Variants in RERE observed in about 807,000 individuals in gnomAD.
The protein encoded by RERE is arginine-glutamic acid dipeptide repeats.
A neutral mutation model predicts 146.1 loss-of-function variants in RERE; 40 were observed. The ratio of observed to expected loss-of-function variants is 0.27; its 90% CI spans 0.21 to 0.36. RERE has a LOEUF of 0.36. Ranked by LOEUF, RERE falls within the 10% of genes least tolerant of loss-of-function variation. The pLI is 1.00. For synonymous variants in RERE, 1,003 were observed against 866.0 expected (o/e 1.16, Z -2.78); for missense variants, 1,933 against 2,138.7 (o/e 0.90, Z 1.90).
intron 1 of RERE, among the ~76,000 whole-genome samples, chr1:8,813,284 T>C (rs1311086311): frequency 3.9e-5 from 6 of 152,194 alleles, no homozygotes; most frequent in Non-Finnish European, 7.3e-5. Flanking sequence ...ACATTTGAAT[T>C]TTCTGCTATC....
chr1:8,455,082 G>A (rs1391139947), intron 11 of RERE, among the ~76,000 whole-genome samples: 1 of 152,120 alleles, frequency 6.6e-6, no homozygotes, highest in Non-Finnish European at 1.5e-5. Context: ...GCCTTCCCCA[G>A]AGAGCTCAGG....
chr1:8,479,384 C>A (rs1409269891), intron 10 of RERE, among the ~76,000 whole-genome samples: 1 of 150,900 alleles, frequency 6.6e-6, no homozygotes, highest in Non-Finnish European at 1.5e-5. Context: ...CTGTGGTAGG[C>A]CAAAAAATGA....
intron 7 of RERE, chr1:8,525,944 C>G (rs549050809): frequency 3.7e-6 from 5 of 1,343,464 alleles, no homozygotes; most frequent in African/African-American, 3.1e-5. Context: ...TAAGCCTTCA[C>G]GCAGAACGCA....
At chr1:8,361,994 G>A (rs1010478823) in intron 16 of RERE, 118 bp from the exon 17 acceptor site, 2 of 709,130 alleles carry the variant, frequency 2.8e-6, no homozygotes, top group African/African-American at 3.5e-5. Context: ...CCATCTCCAG[G>A]AGCAAAAAGC....
intron 1 of RERE, among the ~76,000 whole-genome samples, chr1:8,688,649 G>A (rs1639142904): frequency 6.6e-6 from 1 of 152,198 alleles, no homozygotes; most frequent in South Asian, 2.1e-4. Flanking sequence ...AGAAGCTAAG[G>A]TGGGAGGATA....
intron 1 of RERE, among the ~76,000 whole-genome samples, chr1:8,783,865 T>C (rs893425598): frequency 1.3e-5 from 2 of 152,062 alleles, no homozygotes; most frequent in Admixed American, 6.6e-5. Flanking sequence ...CAGAAAGATA[T>C]GTCCAAGTCC....
intron 8 of RERE, among the ~76,000 whole-genome samples, chr1:8,503,145 T>C (rs144262785): frequency 1.3e-5 from 2 of 151,964 alleles, no homozygotes; most frequent in African/African-American, 4.8e-5. Flanking sequence ...AATTGATGAG[T>C]CAACCTCTCT....
rs147888523 is a variant in RERE, at chr1:8,541,270, C to T, written c.774G>A (p.Glu258=). The part of the protein sequence containing the change: ...SHFSDIFAAR[E]FKARVDSFFY... ...AAAATGAATCCACTCGGGCTTTAAA[C>T]TCTCTAGCAGCAAATATGTCAGAAA... The change falls in exon 7 of 23, where the codon GAG becomes GAA. Residue 258 remains glutamate (E), a synonymous_variant. Coordinates refer to ENST00000400908, the MANE Select transcript of RERE (RefSeq NM_001042681.2). The T allele has an allele frequency of 1.4e-5, 22 of 1,612,452 alleles. No homozygotes were observed. In the African/African-American group the frequency reaches 2.3e-4, roughly 17 times the overall value.
intron 1 of RERE, among the ~76,000 whole-genome samples, chr1:8,723,450 C>T (rs1412170286): frequency 6.6e-6 from 1 of 152,094 alleles, no homozygotes; most frequent in African/African-American, 2.4e-5. Flanking sequence ...TATCTTTAAA[C>T]ACTAATCATT....
At chr1:8,429,733 A>G (rs1048993535) in intron 11 of RERE, 1 of 152,690 alleles carries the variant, frequency 6.5e-6, no homozygotes, top group African/African-American at 2.4e-5. Context: ...AAAACACTGT[A>G]GGTATTAAAA....
chr1:8,516,521 G>A (rs1645421804), intron 7 of RERE, among the ~76,000 whole-genome samples: 1 of 152,122 alleles, frequency 6.6e-6, no homozygotes, highest in Non-Finnish European at 1.5e-5. Context: ...GACCCTGTAA[G>A]ATAGGTGCTA....
At chr1:8,531,064 T>C (rs369597710) in intron 7 of RERE, among the ~76,000 whole-genome samples, 3 of 143,006 alleles carry the variant, frequency 2.1e-5, no homozygotes, top group South Asian at 2.2e-4. Context: ...TATCTATCTA[T>C]CTATCTAACT....
rs532829930 is a variant in RERE at position 8,500,904 on chromosome 1, G to A, written c.880-3375C>T. Among the ~76,000 whole-genome samples the A allele has an allele frequency of 6.0e-5, 9 of 150,396 alleles. No individual in the cohort carries two copies. In the South Asian group the frequency reaches 1.5e-3, roughly 25 times the overall value. ...AGGAGCGCCTCTGCCTGGCCGCCCC[G>A]TCTGAGAAGTGAGGAAACCCTCTGC... is the stretch of plus-strand genomic sequence containing the variant. On this transcript the variant is annotated intron_variant, in intron 8 of 22. Coordinates refer to ENST00000400908, the MANE Select transcript of RERE (RefSeq NM_001042681.2).
At chr1:8,589,290 T>A (rs918171748) in intron 4 of RERE, among the ~76,000 whole-genome samples, 1 of 151,544 alleles carries the variant, frequency 6.6e-6, no homozygotes, top group Non-Finnish European at 1.5e-5. Flanking sequence ...AAATAAAAAA[T>A]GTATTCAGGT....
rs76591745 is a variant in RERE, at chr1:8,484,283, G to T, written c.1104+10780C>A. On this transcript the variant is annotated intron_variant, in intron 10 of 22. Coordinates refer to ENST00000400908, the MANE Select transcript of RERE (RefSeq NM_001042681.2). The stretch of plus-strand genomic sequence containing the variant: ...GATGTTTACAAATTATATGTCAGCT[G>T]CAAGTGTTCAGATGAGCCTAATGCA... Among the ~76,000 whole-genome samples the T allele has an allele frequency of 4.7e-3, 715 of 152,242 alleles. 3 individuals carry two copies. Among genetic ancestry groups the T allele is most frequent in the African/African-American group, 0.017 (687 of 41,538 alleles).
Position 8,692,679 on chromosome 1 carries a change from C to A in RERE, c.-144-36238G>T, listed in dbSNP as rs538835059. ...TACTTTAAAAAGAATCTCTAGATTA[C>A]GTATAATACCTAATATAATATAAAC... On this transcript the variant is annotated intron_variant, in intron 1 of 22. Coordinates refer to ENST00000400908, the MANE Select transcript of RERE (RefSeq NM_001042681.2). Among the ~76,000 whole-genome samples, 8 of 152,092 alleles carry A rather than the reference C, an allele frequency of 5.3e-5. No homozygotes were observed. The South Asian group carries it at 1.7e-3, about 32-fold the overall frequency.
At chr1:8,578,908 T>A (rs1223842856) in intron 4 of RERE, among the ~76,000 whole-genome samples, 2 of 152,272 alleles carry the variant, frequency 1.3e-5, no homozygotes, top group Non-Finnish European at 2.9e-5. Flanking sequence ...TTGTCAAGGT[T>A]ACTAACAAAG....
intron 12 of RERE, among the ~76,000 whole-genome samples, chr1:8,382,963 GAA>G (rs1642508961): frequency 6.7e-6 from 1 of 149,250 alleles, no homozygotes; most frequent in Non-Finnish European, 1.5e-5. Flanking sequence ...AAAAGGACCA[GAA>G]ACTCAGAACT....
chr1:8,804,541 A>C (rs532558358), intron 1 of RERE, among the ~76,000 whole-genome samples: 2 of 152,348 alleles, frequency 1.3e-5, no homozygotes, highest in South Asian at 4.1e-4. Context: ...GGCACATAGT[A>C]ATTTCCAGCA....
Sources: allele counts gnomAD v4.1 joint callset (sites outside exome capture counted in the v4.1 genomes callset), GRCh38; gene constraint gnomAD v4.1.1; transcripts MANE v1.5; gene names NCBI Gene and HGNC (gene_info 2026-07-23, HGNC 2026-07-21).